GCNT1: variants seen among roughly 807,000 people sequenced by gnomAD.
The protein encoded by GCNT1 is glucosaminyl (N-acetyl) transferase 1, also known as beta-1,3-galactosyl-O-glycosyl-glycoprotein beta-1,6-N-acetylglucosaminyltransferase.
Under a neutral mutation model 26.2 loss-of-function variants are expected in GCNT1, and 16 were observed. That is an observed-to-expected ratio of 0.61 (90% CI 0.41 to 0.93). GCNT1 has a LOEUF of 0.93. Ranked by LOEUF, GCNT1 falls within the 40% of genes least tolerant of loss-of-function variation. GCNT1 has a pLI of 0.00. For synonymous variants in GCNT1, 183 were observed against 190.8 expected (o/e 0.96, Z 0.34); for missense variants, 477 against 526.7 (o/e 0.91, Z 0.92).
At chr9:76,492,774 A>T (rs1824782571) in intron 2 of GCNT1, among the ~76,000 whole-genome samples, 2 of 151,204 alleles carry the variant, frequency 1.3e-5, no homozygotes, top group Non-Finnish European at 2.9e-5. Flanking sequence ...GGCCTGCTCC[A>T]TTTTCTGTCC....
chr9:76,400,472 T>C, the GCNT1 span, among the ~76,000 whole-genome samples: 3 of 152,220 alleles, frequency 2.0e-5, no homozygotes, highest in Non-Finnish European at 4.4e-5. Context: ...TGCTATAACC[T>C]TTCAAATGCC....
At chr9:76,482,308 C>G (rs1043191108) in intron 2 of GCNT1, among the ~76,000 whole-genome samples, 1 of 151,790 alleles carries the variant, frequency 6.6e-6, no homozygotes, top group Non-Finnish European at 1.5e-5. Context: ...ATAAAATTTT[C>G]TAGTAGCAGC....
At chr9:76,436,235 A>G (rs1823407689) in intron 1 of GCNT1, among the ~76,000 whole-genome samples, 1 of 151,916 alleles carries the variant, frequency 6.6e-6, no homozygotes, top group Non-Finnish European at 1.5e-5. Context: ...CATCTGTGTA[A>G]CAAATTAGGA....
intron 2 of GCNT1, among the ~76,000 whole-genome samples, chr9:76,470,373 G>A (rs1824102162): frequency 6.6e-6 from 1 of 152,014 alleles, no homozygotes; most frequent in Non-Finnish European, 1.5e-5. Flanking sequence ...GGAGGTCGAG[G>A]CAGGCAGATC....
chr9:76,469,564 C>T lies in GCNT1; in HGVS notation c.-290+9387C>T, dbSNP rs142916562. ...TTAAATCTTGCAACTGCACTCTCTT[C>T]TGGTCCGTGTTTGTTACGGCTTGAG... On this transcript the variant is annotated intron_variant, in intron 2 of 3. Transcript: ENST00000376730. Among the ~76,000 whole-genome samples, 1,035 of 152,302 alleles carry T rather than the reference C, an allele frequency of 6.8e-3. 11 individuals are homozygous for T. The highest frequency in any genetic ancestry group is 0.024 in the African/African-American group (989 of 41,560).
At chr9:76,501,370 G>C (rs1825062692) in intron 3 of GCNT1, among the ~76,000 whole-genome samples, 1 of 152,200 alleles carries the variant, frequency 6.6e-6, no homozygotes, top group South Asian at 2.1e-4. Flanking sequence ...TATAGTAAAA[G>C]TGGGTTGTGT....
intron 1 of GCNT1, among the ~76,000 whole-genome samples, chr9:76,443,375 T>C (rs979041937): frequency 6.6e-6 from 1 of 152,196 alleles, no homozygotes; most frequent in Admixed American, 6.5e-5. Context: ...ATTAGCATTG[T>C]TTCTATAGAT....
intron 1 of GCNT1, among the ~76,000 whole-genome samples, chr9:76,431,416 G>C (rs908928325): frequency 6.6e-6 from 1 of 152,152 alleles, no homozygotes; most frequent in African/African-American, 2.4e-5. Flanking sequence ...ACTCAGGAAA[G>C]TGCTACACTT....
intron 1 of GCNT1, among the ~76,000 whole-genome samples, chr9:76,426,705 G>A (rs1220985081): frequency 6.6e-6 from 1 of 152,142 alleles, no homozygotes; most frequent in Non-Finnish European, 1.5e-5. Flanking sequence ...AGACCAGCCT[G>A]GCCAACATAG....
rs1390033607 is a variant in GCNT1, at chr9:76,502,274, GA to G, written c.-107del. The G allele has an allele frequency of 1.1e-4, 72 of 654,662 alleles. No homozygotes were observed. The highest frequency in any genetic ancestry group is 1.6e-4 in the Non-Finnish European group (61 of 380,414). 40.6% of individuals were successfully genotyped at this position (654,662 alleles called of 1,614,324 possible). A position where few individuals can be genotyped will look rare whatever the true frequency, so the allele number is the denominator to read the frequency against. On this transcript the variant is annotated 5_prime_UTR_variant, in exon 4 of 4. It introduces an in-frame stop codon into an upstream open reading frame of the 5' UTR. Coordinates refer to ENST00000376730, the MANE Select transcript of GCNT1 (RefSeq NM_001490.5). The stretch of plus-strand genomic sequence containing the variant: ...CATTTCAAGATGCCGTTGCAGCTCT[GA>G]TAAATGCAAACTGACAACCTTCAAG...
At chr9:76,403,902 G>T in the GCNT1 span, among the ~76,000 whole-genome samples, 1 of 152,156 alleles carries the variant, frequency 6.6e-6, no homozygotes, top group African/African-American at 2.4e-5. Context: ...TGCAATGATG[G>T]TATAGGAGAT....
At position 76,486,790 on chromosome 9, in the gene GCNT1, A is replaced by G. The variant is rs373522575; in HGVS notation, c.-289-14126A>G. 7.9e-5 allele frequency among the ~76,000 whole-genome samples: 12 copies of G among 152,272 alleles called. No individual in the cohort carries two copies. The South Asian group carries it at 2.5e-3, about 32-fold the overall frequency. On this transcript the variant is annotated intron_variant, in intron 2 of 3. Transcript: ENST00000376730. ...TCTGGCAGTCAAAAGAGAAGAAAGA[A>G]TAGGGCTGGGTGCAGTGGCTCATGC...
chr9:76,488,280 C>G (rs1824635460), intron 2 of GCNT1, among the ~76,000 whole-genome samples: 1 of 152,178 alleles, frequency 6.6e-6, no homozygotes, highest in African/African-American at 2.4e-5. Flanking sequence ...TTGGGAAATA[C>G]TCTTGAATTA....
At chr9:76,442,746 AG>A (rs1366173005) in intron 1 of GCNT1, among the ~76,000 whole-genome samples, 1 of 152,186 alleles carries the variant, frequency 6.6e-6, no homozygotes, top group Non-Finnish European at 1.5e-5. Context: ...AAGTAGTAAG[AG>A]AAATGTGAAA....
chr9:76,427,977 A>G (rs986878709), intron 1 of GCNT1, among the ~76,000 whole-genome samples: 2 of 151,914 alleles, frequency 1.3e-5, no homozygotes, highest in African/African-American at 4.8e-5. Flanking sequence ...GCAAGACTCT[A>G]TCTCAAAAAC....
intron 1 of GCNT1, among the ~76,000 whole-genome samples, chr9:76,421,512 G>A (rs1823190960): frequency 6.9e-6 from 1 of 145,272 alleles, no homozygotes; most frequent in South Asian, 2.3e-4. Flanking sequence ...GCTGAGGCAC[G>A]ATAATTGCTT....
intron 2 of GCNT1, among the ~76,000 whole-genome samples, chr9:76,463,559 T>C (rs564293408): frequency 7.9e-5 from 12 of 152,362 alleles, no homozygotes; most frequent in South Asian, 6.2e-4. Context: ...CCTCCCATGA[T>C]TGATTTTTCG....
the GCNT1 span, among the ~76,000 whole-genome samples, chr9:76,405,339 C>G: frequency 6.6e-6 from 1 of 151,214 alleles, no homozygotes; most frequent in Non-Finnish European, 1.5e-5. Context: ...TATAGACATC[C>G]TGCACTAGGC....
intron 1 of GCNT1, chr9:76,420,663 G>T (rs756488621): frequency 6.6e-6 from 1 of 152,240 alleles, no homozygotes; most frequent in Admixed American, 6.5e-5. Flanking sequence ...GCTGAGTGTG[G>T]TGGCTCACAC....
Sources: allele counts gnomAD v4.1 joint callset (sites outside exome capture counted in the v4.1 genomes callset), GRCh38; gene constraint gnomAD v4.1.1; transcripts MANE v1.5; gene names NCBI Gene and HGNC (gene_info 2026-07-23, HGNC 2026-07-21).